Variants in FOXP2 observed in about 807,000 individuals in gnomAD.
FOXP2 encodes the protein forkhead box P2.
Under a neutral mutation model 115.8 loss-of-function variants are expected in FOXP2, and 12 were observed. That is an observed-to-expected ratio of 0.10 (90% confidence interval 0.07 to 0.17). FOXP2 has a LOEUF of 0.17. Among genes scored for constraint, FOXP2 ranks in the 10% least tolerant of loss-of-function variants. The probability of loss-of-function intolerance (pLI) is 1.00; values close to 1 mark genes in which losing one functional copy is unlikely to be tolerated. For synonymous variants in FOXP2, 328 were observed against 297.7 expected, an observed-to-expected ratio of 1.10 and a Z score of -1.05; for missense variants, 629 against 843.5, an observed-to-expected ratio of 0.75 and a Z score of 3.15.
chr7:114,223,231 G>C (rs924174861), intron 1 of FOXP2, among the ~76,000 whole-genome samples: 1 of 151,952 alleles, frequency 6.6e-6, no homozygotes. Flanking sequence ...ACACATGTAA[G>C]TGTTCCAGTT....
At chr7:114,313,430 G>GGAA (rs1797193355) in intron 2 of FOXP2, among the ~76,000 whole-genome samples, 1 of 152,168 alleles carries the variant, frequency 6.6e-6, no homozygotes, top group African/African-American at 2.4e-5. Context: ...TTACTAAATT[G>GGAA]TTAATCTATT....
In FOXP2 at chr7:114,514,119, G is replaced by A. The variant is rs560845979; in HGVS notation, c.169-20498G>A. 4.9e-5 allele frequency among the ~76,000 whole-genome samples: 7 copies of A among 141,470 alleles called. 1 individual carries two copies. Among genetic ancestry groups the A allele is most frequent in the Admixed American group, 1.4e-4 (2 of 14,166 alleles). The allele number at this position is 141,470 out of a possible 152,430, so 92.8% of individuals were successfully genotyped here. On this transcript the variant is annotated intron_variant, in intron 2 of 16. Coordinates refer to ENST00000350908, the MANE Select transcript of FOXP2 (RefSeq NM_014491.4). ...CACACACACACACACACACACACAC[G>A]CCATAAATATATACAATACTATGCT...
Position 114,457,707 on chromosome 7 carries a change from C to G in FOXP2, c.168+31028C>G, listed in dbSNP as rs370501609. ...AGGTCAGGAGATCGAGACCATCCTGCCTAACATGGTGAAACCCCGTCTCTA... is the reference window on the plus strand; with the variant it reads ...AGGTCAGGAGATCGAGACCATCCTGGCTAACATGGTGAAACCCCGTCTCTA... On this transcript the variant is annotated intron_variant, in intron 2 of 16. Transcript: ENST00000350908. Among the ~76,000 whole-genome samples, 857 of 151,940 alleles carry G rather than the reference C, an allele frequency of 5.6e-3. 3 individuals are homozygous for G. Among genetic ancestry groups the G allele is most frequent in the Non-Finnish European group, 8.7e-3 (592 of 67,890 alleles).
intron 1 of FOXP2, among the ~76,000 whole-genome samples, chr7:114,244,940 T>A (rs1289935570): frequency 1.3e-5 from 2 of 152,042 alleles, no homozygotes; most frequent in Non-Finnish European, 2.9e-5. Context: ...TTTTTTGTAT[T>A]TTTAGTAGAG....
intron 1 of FOXP2, among the ~76,000 whole-genome samples, chr7:114,208,471 G>C (rs533938436): frequency 1.3e-5 from 2 of 152,116 alleles, no homozygotes; most frequent in Non-Finnish European, 2.9e-5. Context: ...GTTGGACTGT[G>C]GACTTCTGAG....
In FOXP2 at chr7:114,683,502, G is replaced by A. The variant is rs761552288; in HGVS notation, c.2004-6280G>A. Among the ~76,000 whole-genome samples, 18 of 152,230 alleles carry A rather than the reference G, an allele frequency of 1.2e-4. No individual in the cohort carries two copies. The South Asian group carries it at 1.9e-3, about 16-fold the overall frequency. On this transcript the variant is annotated intron_variant, in intron 16 of 16. Coordinates refer to ENST00000350908, the MANE Select transcript of FOXP2 (RefSeq NM_014491.4). ...AAATGGGAAGTCAAATAACAATAAC[G>A]TTACATTAGACCCAGTTTTAGGATT...
At chr7:114,552,667 A>T (rs1270664112) in intron 3 of FOXP2, among the ~76,000 whole-genome samples, 2 of 152,206 alleles carry the variant, frequency 1.3e-5, no homozygotes, top group Non-Finnish European at 2.9e-5. Flanking sequence ...GTTGTTGGAT[A>T]TAATACAATG....
intron 3 of FOXP2, among the ~76,000 whole-genome samples, chr7:114,573,409 A>G (rs1302910878): frequency 2.6e-5 from 4 of 151,772 alleles, no homozygotes; most frequent in East Asian, 3.9e-4. Context: ...ATAAGTACCA[A>G]TATGCCAGAG....
At chr7:114,572,641 C>A (rs1469130032) in intron 3 of FOXP2, among the ~76,000 whole-genome samples, 1 of 151,552 alleles carries the variant, frequency 6.6e-6, no homozygotes, top group Non-Finnish European at 1.5e-5. Context: ...ACACTTTTTC[C>A]TAAAATAATC....
intron 2 of FOXP2, among the ~76,000 whole-genome samples, chr7:114,435,900 G>T (rs966685853): frequency 2.0e-4 from 31 of 152,058 alleles, no homozygotes; most frequent in African/African-American, 7.2e-4. Flanking sequence ...TTTTTTAGTG[G>T]AAAATGATGG....
chr7:114,652,144 C>T, intron 8 of FOXP2, 59 bp from the exon 9 acceptor site: 1 of 1,493,726 alleles, frequency 6.7e-7, no homozygotes, highest in East Asian at 2.3e-5. Context: ...TTAAGTGTAG[C>T]CTATGCCACT....
intron 2 of FOXP2, among the ~76,000 whole-genome samples, chr7:114,288,835 G>A (rs990396549): frequency 5.3e-5 from 8 of 151,792 alleles, no homozygotes; most frequent in African/African-American, 1.7e-4. Context: ...AAACCTAAAA[G>A]CAATTTTAGG....
chr7:114,239,651 C>T (rs1463909190), intron 1 of FOXP2, among the ~76,000 whole-genome samples: 2 of 151,942 alleles, frequency 1.3e-5, no homozygotes, highest in Admixed American at 1.3e-4. Context: ...TGAGAATTGC[C>T]TACTTAGACA....
chr7:114,093,251 C>T (rs1245392663), intron 1 of FOXP2, among the ~76,000 whole-genome samples: 1 of 152,148 alleles, frequency 6.6e-6, no homozygotes, highest in Non-Finnish European at 1.5e-5. Flanking sequence ...ATCTATCCTC[C>T]TGTATCTTCA....
At chr7:114,320,402 A>G (rs1290552968) in intron 2 of FOXP2, among the ~76,000 whole-genome samples, 1 of 151,502 alleles carries the variant, frequency 6.6e-6, no homozygotes. Flanking sequence ...TATGTATTAT[A>G]CCTCTACCAT....
chr7:114,128,564 T>C (rs1374122320), intron 1 of FOXP2, among the ~76,000 whole-genome samples: 1 of 152,052 alleles, frequency 6.6e-6, no homozygotes, highest in East Asian at 1.9e-4. Context: ...GTTCTGAAAG[T>C]TTATTTTTTC....
intron 3 of FOXP2, among the ~76,000 whole-genome samples, chr7:114,624,314 A>T (rs894390033): frequency 1.3e-5 from 2 of 151,932 alleles, no homozygotes; most frequent in East Asian, 3.8e-4. Context: ...AAGGCAAAAG[A>T]GTCAGGACTT....
chr7:114,474,079 A>G (rs779015008), intron 2 of FOXP2, among the ~76,000 whole-genome samples: 23 of 152,296 alleles, frequency 1.5e-4, no homozygotes, highest in South Asian at 1.2e-3. Context: ...TAAAAACATA[A>G]GGTAGATATA....
intron 1 of FOXP2, among the ~76,000 whole-genome samples, chr7:114,229,519 GT>G (rs748984786): frequency 6.6e-6 from 1 of 151,618 alleles, no homozygotes; most frequent in African/African-American, 2.4e-5. Flanking sequence ...GTTTGCAAAT[GT>G]AAGAAGATTG....
Sources: allele counts gnomAD v4.1 joint callset (sites outside exome capture counted in the v4.1 genomes callset), GRCh38; gene constraint gnomAD v4.1.1; transcripts MANE v1.5; gene names NCBI Gene and HGNC (gene_info 2026-07-23, HGNC 2026-07-21).